The following ARHGAP23 variants were observed in gnomAD, a reference collection of about 807,000 sequenced individuals.
ARHGAP23 encodes the protein rho GTPase-activating protein 23.
A neutral mutation model predicts 136.3 loss-of-function variants in ARHGAP23; 34 were observed. That is an observed-to-expected ratio of 0.25 (90% confidence interval 0.19 to 0.33). ARHGAP23 has a LOEUF of 0.33. Ranked by LOEUF, ARHGAP23 falls within the 10% of genes least tolerant of loss-of-function variation. The probability of loss-of-function intolerance (pLI) is 1.00; values close to 1 mark genes in which losing one functional copy is unlikely to be tolerated. For missense variants in ARHGAP23, 1,808 were observed against 2,139.0 expected, an observed-to-expected ratio of 0.85 and a Z score of 3.05; for synonymous variants, 832 against 920.5, an observed-to-expected ratio of 0.90 and a Z score of 1.74.
At chr17:38,431,848 C>T (rs1402901960) in intron 1 of ARHGAP23, among the ~76,000 whole-genome samples, 1 of 152,228 alleles carries the variant, frequency 6.6e-6, no homozygotes, top group Non-Finnish European at 1.5e-5. Context: ...CAGGCCATGC[C>T]TTTCCCTCTG....
In ARHGAP23 at chr17:38,467,342, G is replaced by C. The variant is rs1465975942; in HGVS notation, c.1648+11G>C. 1 of 1,463,834 alleles carries C rather than the reference G, an allele frequency of 6.8e-7. No individual in the cohort carries two copies. Among genetic ancestry groups the C allele is most frequent in the Non-Finnish European group, 9.0e-7 (1 of 1,105,676 alleles). The allele number at this position is 1,463,834 out of a possible 1,614,324, so 90.7% of individuals were successfully genotyped here. ...CCATCCCCTTTATTGGTGAGTGATGGTACATGTGGCTGTCCTGGGGGACTT... is the reference window on the plus strand; with the variant it reads ...CCATCCCCTTTATTGGTGAGTGATGCTACATGTGGCTGTCCTGGGGGACTT... On this transcript the variant is annotated intron_variant, in intron 7 of 23. Coordinates refer to ENST00000622683, the MANE Select transcript of ARHGAP23 (RefSeq NM_001199417.2).
chr17:38,460,880 A>G, intron 2 of ARHGAP23, 25 bp from the exon 3 acceptor site: 1 of 1,536,002 alleles, frequency 6.5e-7, no homozygotes, highest in Non-Finnish European at 8.7e-7. Context: ...ACTGACGCCC[A>G]CACCCACTCC....
chr17:38,475,611 G>T (rs866309260), intron 11 of ARHGAP23, among the ~76,000 whole-genome samples: 1 of 152,330 alleles, frequency 6.6e-6, no homozygotes. Context: ...GCTGGATGTG[G>T]AGCCACCAGC....
chr17:38,501,370 C>T (rs1271959790), intron 23 of ARHGAP23, among the ~76,000 whole-genome samples: 5 of 152,048 alleles, frequency 3.3e-5, no homozygotes, highest in East Asian at 1.9e-4. Flanking sequence ...GGCACCATCT[C>T]GGCTCACTGC....
At chr17:38,463,966 A>C (rs958430627) in intron 6 of ARHGAP23, among the ~76,000 whole-genome samples, 2 of 152,074 alleles carry the variant, frequency 1.3e-5, no homozygotes, top group African/African-American at 4.8e-5. Context: ...CATACAGCGA[A>C]GTGCACCACA....
At chr17:38,506,041 TC>T (rs1466757513) in intron 23 of ARHGAP23, among the ~76,000 whole-genome samples, 2 of 152,216 alleles carry the variant, frequency 1.3e-5, no homozygotes, top group African/African-American at 4.8e-5. Flanking sequence ...ACCCAGGGAC[TC>T]CAGTTAACAG....
intron 1 of ARHGAP23, among the ~76,000 whole-genome samples, chr17:38,443,910 G>C (rs937548894): frequency 6.6e-6 from 1 of 152,062 alleles, no homozygotes; most frequent in Non-Finnish European, 1.5e-5. Flanking sequence ...GGGGGCGGGG[G>C]GCAGGCGGAG....
At chr17:38,462,020 C>T (rs965034326) in intron 3 of ARHGAP23, among the ~76,000 whole-genome samples, 22 of 151,792 alleles carry the variant, frequency 1.4e-4, no homozygotes, top group Admixed American at 1.1e-3. Context: ...TGGTGCTATC[C>T]GGGCTCACTG....
At chr17:38,426,567 A>AAG (rs1238089313), upstream of ARHGAP23, among the ~76,000 whole-genome samples, 26 of 150,868 alleles carry the variant, frequency 1.7e-4, no homozygotes, top group African/African-American at 6.1e-4. Flanking sequence ...AAAAAAAAAA[A>AAG]AAAAATCCAG....
At position 38,466,531 on chromosome 17, in the gene ARHGAP23, A is replaced by C; in HGVS notation, c.848A>C (p.Glu283Ala). ...AGCCGGGTGCCCCCCAGCAGACTGG[A>C]GTGCCAGCAGGCCTTGTCACACTGG... ...PGSRVPPSRL[E>A]CQQALSHWLS... is the part of the protein sequence containing the mutation. The change falls in exon 7 of 24, where the codon GAG becomes GCG. Residue 283 changes from glutamate to alanine, a missense_variant. By Grantham distance (107) the Glu-to-Ala change is moderately radical. This residue lies in a region of ARHGAP23 where 859 missense variants were observed against 936.4 expected (regional missense o/e 0.92). Coordinates refer to ENST00000622683, the MANE Select transcript of ARHGAP23 (RefSeq NM_001199417.2). 1.4e-6 allele frequency: 2 copies of C among 1,475,412 alleles called. No homozygotes were observed. Among genetic ancestry groups the C allele is most frequent in the Non-Finnish European group, 1.8e-6 (2 of 1,116,628 alleles). 91.4% of individuals were successfully genotyped at this position (1,475,412 alleles called of 1,614,324 possible).
chr17:38,509,919 G>A, intron 23 of ARHGAP23, 25 bp from the exon 24 acceptor site: 1 of 1,245,222 alleles, frequency 8.0e-7, no homozygotes. Flanking sequence ...GGCGCCCCCC[G>A]CATCCTGACC....
intron 1 of ARHGAP23, among the ~76,000 whole-genome samples, chr17:38,444,375 G>A (rs768202165): frequency 2.0e-5 from 3 of 152,144 alleles, no homozygotes; most frequent in Non-Finnish European, 4.4e-5. Context: ...CTGAGAGGAC[G>A]CGGCGGTGTC....
chr17:38,510,589 C>G lies in ARHGAP23; in HGVS notation c.4093C>G (p.Arg1365Gly). 7.8e-7 allele frequency: 1 copy of G among 1,276,314 alleles called. No homozygotes were observed. Among genetic ancestry groups the G allele is most frequent in the Middle Eastern group, 3.0e-4 (1 of 3,326 alleles). 79.1% of individuals were successfully genotyped at this position (1,276,314 alleles called of 1,614,324 possible). The stretch of plus-strand genomic sequence containing the variant: ...GCCCCCGGCGGCGGCGCTGGCCTCC[C>G]GGCCCTCGCGCATGGAGGCGCTGCG... Reference protein sequence around the residue: ...LRPPAAALASRPSRMEALRLR... With the variant: ...LRPPAAALASGPSRMEALRLR... The change falls in exon 24 of 24, where the codon CGG becomes GGG. Residue 1365 changes from arginine (R) to glycine (G), a missense_variant. This residue lies in a region of ARHGAP23 where 506 missense variants were observed against 455.8 expected (regional missense o/e 1.11). Transcript: ENST00000622683. This position sits in a 1 kb window ranked among gnomAD's most constrained non-coding sequence, Gnocchi z 4.6.
chr17:38,509,875 C>T (rs1034083769), intron 23 of ARHGAP23, 69 bp from the exon 24 acceptor site: 1 of 1,166,878 alleles, frequency 8.6e-7, no homozygotes, highest in Non-Finnish European at 1.1e-6. Context: ...GGGGGTGGAC[C>T]GGGTAGAGCG....
rs764753671 is a variant in ARHGAP23 at position 38,477,098 on chromosome 17, C to G, written c.2119-481C>G. On this transcript the variant is annotated intron_variant, in intron 11 of 23. Transcript: ENST00000622683. This position sits in a 1 kb window ranked among gnomAD's most constrained non-coding sequence, Gnocchi z 6.6. ...TTGGCCACATGGCGGTTCTGGGTGT[C>G]CCTGAGAAGGAGCTTCTGGGCAAGT... 1.3e-5 allele frequency among the ~76,000 whole-genome samples: 2 copies of G among 152,018 alleles called. No individual in the cohort carries two copies. Among genetic ancestry groups the G allele is most frequent in the Non-Finnish European group, 2.9e-5 (2 of 67,960 alleles).
intron 10 of ARHGAP23, among the ~76,000 whole-genome samples, chr17:38,471,084 C>T (rs1232080384): frequency 6.6e-6 from 1 of 151,492 alleles, no homozygotes; most frequent in East Asian, 1.9e-4. Context: ...TCCTGAGTAG[C>T]TGGGATTACA....
At chr17:38,503,021 C>T (rs1454928159) in intron 23 of ARHGAP23, among the ~76,000 whole-genome samples, 3 of 152,186 alleles carry the variant, frequency 2.0e-5, no homozygotes, top group Non-Finnish European at 4.4e-5. Flanking sequence ...GCACTCCAGC[C>T]TGGGCAACAG....
intron 1 of ARHGAP23, chr17:38,453,790 C>A (rs1270911368): frequency 6.9e-6 from 1 of 144,612 alleles, no homozygotes; most frequent in African/African-American, 2.5e-5. Context: ...GCCCCGGGCC[C>A]GCGGCTCCGG....
intron 1 of ARHGAP23, among the ~76,000 whole-genome samples, chr17:38,450,152 A>G (rs1303001877): frequency 6.6e-6 from 1 of 152,166 alleles, no homozygotes; most frequent in Non-Finnish European, 1.5e-5. Flanking sequence ...GTGGGGGTGA[A>G]GGCAGCCGGC....
Sources: gnomAD v4.1 joint callset for allele counts (sites outside exome capture counted in the v4.1 genomes callset) on GRCh38, gnomAD v4.1.1 for gene constraint, gnomAD v4.1.1 regional missense constraint, Gnocchi (gnomAD v3.1) non-coding constraint, MANE v1.5 for transcripts, NCBI Gene and HGNC (gene_info 2026-07-23, HGNC 2026-07-21) for gene names.